CNST: variants seen among roughly 807,000 people sequenced by gnomAD.
CNST encodes the protein consortin.
A neutral mutation model predicts 72.4 loss-of-function variants in CNST; 39 were observed. That is an observed-to-expected ratio of 0.54 (90% confidence interval 0.42 to 0.70). The LOEUF (loss-of-function observed/expected upper bound fraction) is 0.70, where lower values mean the gene tolerates loss of function less well. CNST is among the 30% of genes least tolerant of loss of function. The pLI, the probability that CNST is intolerant of heterozygous loss-of-function variation, is 0.00. For missense variants in CNST, 871 were observed against 868.5 expected (o/e 1.00, Z -0.04); for synonymous variants, 332 against 320.1 (o/e 1.04, Z -0.40).
chr1:246,650,877 C>A (rs1666412567), intron 9 of CNST, among the ~76,000 whole-genome samples: 2 of 152,024 alleles, frequency 1.3e-5, no homozygotes, highest in Non-Finnish European at 2.9e-5. Context: ...GGGGTTTCAC[C>A]ATGTTGGCCA....
At chr1:246,637,633 T>C (rs1665378643) in intron 6 of CNST, among the ~76,000 whole-genome samples, 1 of 152,132 alleles carries the variant, frequency 6.6e-6, no homozygotes, top group Admixed American at 6.5e-5. Flanking sequence ...AGTTGAGCTT[T>C]AAGGACAGAG....
intron 2 of CNST, among the ~76,000 whole-genome samples, chr1:246,608,348 A>G (rs1184821576): frequency 6.6e-6 from 1 of 152,118 alleles, no homozygotes; most frequent in Non-Finnish European, 1.5e-5. Context: ...ACGTTTTTTT[A>G]AAAAAGAAGA....
chr1:246,616,701 T>TA (rs1415099007), intron 2 of CNST, among the ~76,000 whole-genome samples: 1 of 152,042 alleles, frequency 6.6e-6, no homozygotes, highest in Non-Finnish European at 1.5e-5. Context: ...ACTACATACA[T>TA]ACGCCACCAC....
At chr1:246,618,815 C>G (rs1663863129) in intron 2 of CNST, among the ~76,000 whole-genome samples, 2 of 152,238 alleles carry the variant, frequency 1.3e-5, no homozygotes, top group East Asian at 3.9e-4. Context: ...CAAATCGATG[C>G]TAACTAAATA....
intron 1 of CNST, among the ~76,000 whole-genome samples, chr1:246,578,663 C>T (rs1189737593): frequency 6.0e-5 from 9 of 150,020 alleles, no homozygotes; most frequent in East Asian, 1.9e-4. Context: ...AGAGAGACTC[C>T]GTTTCAAAAA....
intron 2 of CNST, among the ~76,000 whole-genome samples, 191 bp downstream of exon 2, chr1:246,592,132 T>C (rs1430478844): frequency 6.6e-6 from 1 of 152,164 alleles, no homozygotes; most frequent in Non-Finnish European, 1.5e-5. Context: ...TGTTCCACCG[T>C]ATGGGTGTAA....
chr1:246,624,680 G>A (rs1307367270), intron 3 of CNST, among the ~76,000 whole-genome samples: 2 of 152,178 alleles, frequency 1.3e-5, no homozygotes, highest in Non-Finnish European at 2.9e-5. Flanking sequence ...GAGGGATGGA[G>A]ATATATTTTA....
Position 246,634,966 on chromosome 1 carries a change from G to GGCCGGGGTAGGTGTCTTCCA in CNST, c.818+387_818+388insAGGTGTCTTCCAGCCGGGGT, listed in dbSNP as rs879614960. Among the ~76,000 whole-genome samples the GGCCGGGGTAGGTGTCTTCCA allele has an allele frequency of 6.7e-3, 1,023 of 151,728 alleles. 7 individuals carry two copies. Among genetic ancestry groups the GGCCGGGGTAGGTGTCTTCCA allele is most frequent in the Non-Finnish European group, 0.01 (706 of 67,784 alleles). On this transcript the variant is annotated intron_variant, in intron 6 of 10. Coordinates refer to ENST00000366513, the MANE Select transcript of CNST (RefSeq NM_152609.3). The stretch of plus-strand genomic sequence containing the variant: ...CTATCCTCGGTGGTGCGTGTCTTCC[G>GGCCGGGGTAGGTGTCTTCCA]GCCGGGGTGCGTGTCTTCCGGCCGG...
chr1:246,626,783 A>G (rs1664466305), intron 3 of CNST, among the ~76,000 whole-genome samples: 1 of 151,934 alleles, frequency 6.6e-6, no homozygotes, highest in African/African-American at 2.4e-5. Flanking sequence ...TGAACTCCAG[A>G]CTTAACTATC....
chr1:246,638,267 G>A (rs1017733258), intron 6 of CNST, among the ~76,000 whole-genome samples: 3 of 152,184 alleles, frequency 2.0e-5, no homozygotes, highest in African/African-American at 7.2e-5. Context: ...GGAGTAAAGA[G>A]GAAAGAATAA....
In CNST at chr1:246,591,857, C is replaced by T; in HGVS notation, c.295C>T (p.Gln99Ter). Reference protein sequence around the residue: ...NTLCEASRDEQAFLGKDKKIP... With the variant: ...NTLCEASRDE ...CCTTTGTGAAGCCTCCAGAGATGAA[C>T]AGGCCTTCTTGGGAAAGGACAAAAA... Residue 99 changes from glutamine to a stop codon, truncating the protein, a stop_gained, in exon 2 of 11, where the codon CAG (glutamine) becomes TAG (stop). Transcript: ENST00000366513. LOFTEE classifies it high-confidence loss of function. 3.1e-6 allele frequency: 5 copies of T among 1,614,054 alleles called. No homozygotes were observed. The highest frequency in any genetic ancestry group is 4.2e-6 in the Non-Finnish European group (5 of 1,180,010).
intron 3 of CNST, among the ~76,000 whole-genome samples, chr1:246,625,517 G>A (rs1664366060): frequency 7.0e-6 from 1 of 143,322 alleles, no homozygotes; most frequent in South Asian, 2.2e-4. Flanking sequence ...CACCTCCCGG[G>A]TTCAAGCAAT....
Position 246,647,289 on chromosome 1 carries a change from T to C in CNST, c.1088T>C (p.Leu363Pro). ...VTAGKDHMEELLCSAEATLAL... is the reference protein window; with the variant it reads ...VTAGKDHMEEPLCSAEATLAL... Reference sequence around the variant, plus strand: ...GCAGGAAAGGACCACATGGAGGAGCTGCTCTGCAGCGCTGAAGCCACGTTA... The same window carrying C: ...GCAGGAAAGGACCACATGGAGGAGCCGCTCTGCAGCGCTGAAGCCACGTTA... The change falls in exon 9 of 11, where the codon CTG (leucine) becomes CCG (proline). Residue 363 changes from leucine to proline, a missense_variant. By Grantham distance (98) the Leu-to-Pro change is moderately conservative (BLOSUM62 -3). Coordinates refer to ENST00000366513, the MANE Select transcript of CNST (RefSeq NM_152609.3). 1 of 1,614,136 alleles carries C rather than the reference T, an allele frequency of 6.2e-7. No individual in the cohort carries two copies. Among genetic ancestry groups the C allele is most frequent in the South Asian group, 1.1e-5 (1 of 91,064 alleles).
intron 1 of CNST, among the ~76,000 whole-genome samples, chr1:246,585,337 G>GT (rs1661064288): frequency 2.0e-5 from 3 of 152,078 alleles, no homozygotes; most frequent in African/African-American, 7.2e-5. Context: ...GCTTTCTTAT[G>GT]TTTGTTTTTG....
At chr1:246,573,743 A>G (rs1660206550) in intron 1 of CNST, among the ~76,000 whole-genome samples, 1 of 152,206 alleles carries the variant, frequency 6.6e-6, no homozygotes. Flanking sequence ...ATATTCTAAG[A>G]ATATCTGTTT....
intron 2 of CNST, among the ~76,000 whole-genome samples, chr1:246,611,535 A>G (rs1245132233): frequency 6.6e-6 from 1 of 152,212 alleles, no homozygotes; most frequent in Non-Finnish European, 1.5e-5. Flanking sequence ...TATTTTAGAT[A>G]AGGATGTCAT....
At chr1:246,607,484 G>A (rs748928950) in intron 2 of CNST, 1 of 152,412 alleles carries the variant, frequency 6.6e-6, no homozygotes, top group Non-Finnish European at 1.5e-5. Flanking sequence ...CGCGCCAACA[G>A]ACAGCACAAG....
intron 3 of CNST, among the ~76,000 whole-genome samples, chr1:246,627,422 C>T (rs1664509329): frequency 6.6e-6 from 1 of 152,218 alleles, no homozygotes. Context: ...CCTCTGGTAT[C>T]TCCTATCTAC....
intron 2 of CNST, among the ~76,000 whole-genome samples, chr1:246,615,331 A>G (rs1663611219): frequency 6.6e-6 from 1 of 151,954 alleles, no homozygotes; most frequent in Admixed American, 6.5e-5. Flanking sequence ...GCGTGCCACC[A>G]GGCCCGGCTA....
Sources: gnomAD v4.1 joint callset for allele counts (sites outside exome capture counted in the v4.1 genomes callset) on GRCh38, gnomAD v4.1.1 for gene constraint, MANE v1.5 for transcripts, NCBI Gene and HGNC (gene_info 2026-07-23, HGNC 2026-07-21) for gene names.